The following KCNAB2 variants were observed in gnomAD, a reference collection of about 807,000 sequenced individuals.
KCNAB2 encodes the protein potassium voltage-gated channel subfamily A regulatory beta subunit 2.
In KCNAB2, 29 loss-of-function variants were observed where a neutral mutation model predicts 63.6. The observed-to-expected ratio is 0.46, with a 90% CI of 0.34 to 0.62. The LOEUF (loss-of-function observed/expected upper bound fraction) is 0.62, where lower values mean the gene tolerates loss of function less well. Among genes scored for constraint, KCNAB2 ranks in the 20% least tolerant of loss-of-function variants. The pLI, the probability that KCNAB2 is intolerant of heterozygous loss-of-function variation, is 0.01. For synonymous variants in KCNAB2, 222 were observed against 224.2 expected, an observed-to-expected ratio of 0.99 and a Z score of 0.09; for missense variants, 359 against 563.9, an observed-to-expected ratio of 0.64 and a Z score of 3.68.
chr1:6,065,070 T>C (rs912854429), intron 2 of KCNAB2, among the ~76,000 whole-genome samples: 36 of 152,340 alleles, frequency 2.4e-4, no homozygotes, highest in East Asian at 7.7e-4. Flanking sequence ...TTTCTGGTGA[T>C]GTTGCTTCTC....
At chr1:6,075,765 T>G (rs1663607671) in intron 4 of KCNAB2, among the ~76,000 whole-genome samples, 1 of 152,224 alleles carries the variant, frequency 6.6e-6, no homozygotes, top group African/African-American at 2.4e-5. Context: ...TTTTAACCAT[T>G]TTTAAGTCTA....
Position 6,071,576 on chromosome 1 carries a change from C to T in KCNAB2, c.219-1179C>T, listed in dbSNP as rs990472243. 6.6e-6 allele frequency among the ~76,000 whole-genome samples: 1 copy of T among 152,192 alleles called. No individual in the cohort carries two copies. Among genetic ancestry groups the T allele is most frequent in the Admixed American group, 6.5e-5 (1 of 15,276 alleles). Reference sequence around the variant, plus strand: ...CTGCCTGGGTGGGATCCAGCTCCTCCGCGTGCTGGGCAGGTATCGTAACGT... The same window carrying T: ...CTGCCTGGGTGGGATCCAGCTCCTCTGCGTGCTGGGCAGGTATCGTAACGT... On this transcript the variant is annotated intron_variant, in intron 2 of 15. Coordinates refer to ENST00000378083, the MANE Select transcript of KCNAB2 (RefSeq NM_001199862.2). The surrounding 1 kb of genome is among the most constrained non-coding windows in gnomAD (Gnocchi z 8.5).
At position 6,097,282 on chromosome 1, in the gene KCNAB2, G is replaced by A. The variant is rs1054687881; in HGVS notation, c.1083G>A (p.Arg361=). The A allele has an allele frequency of 3.9e-6, 6 of 1,548,614 alleles. No homozygotes were observed. The highest frequency in any genetic ancestry group is 1.7e-4 in the Middle Eastern group (1 of 5,970). Residue 361 remains arginine (R), a synonymous_variant, in exon 15 of 16, where the codon AGG becomes AGA. Coordinates refer to ENST00000378083, the MANE Select transcript of KCNAB2 (RefSeq NM_001199862.2). ...LPQLAIAWCL[R]NEGVSSVLLG... ...TCGCCGCCACAGCCTGGTGCCTGAG[G>A]AATGAGGGAGTCAGCTCCGTGCTCC...
chr1:6,073,603 C>A lies in KCNAB2; in HGVS notation c.263-130C>A. 1 of 821,624 alleles carries A rather than the reference C, an allele frequency of 1.2e-6. No homozygotes were observed. The highest frequency in any genetic ancestry group is 2.1e-6 in the Non-Finnish European group (1 of 473,352). 50.9% of individuals were successfully genotyped at this position (821,624 alleles called of 1,614,324 possible). A position where few individuals can be genotyped will look rare whatever the true frequency, so the allele number is the denominator to read the frequency against. On this transcript the variant is annotated intron_variant, in intron 3 of 15. Coordinates refer to ENST00000378083, the MANE Select transcript of KCNAB2 (RefSeq NM_001199862.2). This position sits in a 1 kb window ranked among gnomAD's most constrained non-coding sequence, Gnocchi z 5.7. ...GCTGTCCACACACACTAAGGACACC[C>A]TGGCCACAGAGCAGCACAGAGGGAC...
chr1:6,090,364 GC>G (rs749838595), intron 8 of KCNAB2, 24 bp from the exon 9 acceptor site: 105 of 1,563,930 alleles, frequency 6.7e-5, no homozygotes, highest in Admixed American at 1.5e-4. Context: ...CAGCAGTGAC[GC>G]CCCCCCACCT....
chr1:6,044,857 C>G (rs940785583), upstream of KCNAB2, among the ~76,000 whole-genome samples: 1 of 152,130 alleles, frequency 6.6e-6, no homozygotes, highest in Admixed American at 6.5e-5. Context: ...AAGCCACGTC[C>G]ACAGGGCTTG....
chr1:6,003,405 G>A lies in KCNAB2; in HGVS notation c.-53+10617G>A, dbSNP rs138047276. On this transcript the variant is annotated intron_variant, in intron 1 of 16. Coordinates refer to the KCNAB2 transcript ENST00000341524. This position sits in a 1 kb window ranked among gnomAD's most constrained non-coding sequence, Gnocchi z 4.1. ...GGGGTTCCTCCCCACTCGCTCGCTC[G>A]GCTGCCTTCAGCCCCTGCAGACACG... Among the ~76,000 whole-genome samples, 404 of 152,258 alleles carry A rather than the reference G, an allele frequency of 2.7e-3. 3 individuals are homozygous for A. Among genetic ancestry groups the A allele is most frequent in the Middle Eastern group, 0.017 (5 of 294 alleles).
chr1:6,011,711 G>A (rs991786047), intron 1 of KCNAB2, among the ~76,000 whole-genome samples: 8 of 152,238 alleles, frequency 5.3e-5, no homozygotes, highest in Non-Finnish European at 1.2e-4. Flanking sequence ...CATGGTCCAG[G>A]CAGGAGCTTC....
intron 13 of KCNAB2, among the ~76,000 whole-genome samples, chr1:6,095,861 A>C: frequency 4.1e-5 from 3 of 72,702 alleles, no homozygotes; most frequent in Admixed American, 1.3e-4. Context: ...AGGCCCTTTC[A>C]CATCCCCCCC....
intron 2 of KCNAB2, among the ~76,000 whole-genome samples, chr1:6,066,417 G>C (rs961765583): frequency 6.6e-6 from 1 of 152,242 alleles, no homozygotes; most frequent in Non-Finnish European, 1.5e-5. Context: ...GGCCGGGAGG[G>C]GCTGTGCTTA....
chr1:6,015,039 T>TG (rs1210773224), intron 1 of KCNAB2, among the ~76,000 whole-genome samples: 15 of 144,138 alleles, frequency 1.0e-4, no homozygotes, highest in Non-Finnish European at 1.7e-4. Context: ...TTTTTTTTTT[T>TG]TTTGTTTTTT....
intron 1 of KCNAB2, among the ~76,000 whole-genome samples, chr1:6,007,278 G>A (rs1350201782): frequency 6.6e-6 from 1 of 152,250 alleles, no homozygotes; most frequent in Non-Finnish European, 1.5e-5. Flanking sequence ...CCCAGGGACA[G>A]GGCCAAGTGG....
At position 6,087,355 on chromosome 1, in the gene KCNAB2, T is replaced by C; in HGVS notation, c.426-112T>C. The C allele has an allele frequency of 8.5e-7, 1 of 1,182,448 alleles. No individual in the cohort carries two copies. Among genetic ancestry groups the C allele is most frequent in the Non-Finnish European group, 1.3e-6 (1 of 789,444 alleles). 73.2% of individuals were successfully genotyped at this position (1,182,448 alleles called of 1,614,324 possible). ...GTGCCCATTTCATGCCCCAGGCTCC[T>C]GGGTGGGAGGGCTTTCAGGACCTCT... On this transcript the variant is annotated intron_variant, in intron 6 of 15. Transcript: ENST00000378083. The surrounding 1 kb of genome is among the most constrained non-coding windows in gnomAD (Gnocchi z 6.4).
rs913451982 is a variant in KCNAB2 at position 6,074,144 on chromosome 1, A to G, written c.300+374A>G. On this transcript the variant is annotated intron_variant, in intron 4 of 15. Transcript: ENST00000378083. The surrounding 1 kb of genome is among the most constrained non-coding windows in gnomAD (Gnocchi z 4.9). The stretch of plus-strand genomic sequence containing the variant: ...CCGGATGCAGGTCCTAGCTGCCCCC[A>G]TGGAGGCTCCAGTAACTGTCTGTCT... 4.6e-5 allele frequency among the ~76,000 whole-genome samples: 7 copies of G among 152,322 alleles called. No homozygotes were observed. The highest frequency in any genetic ancestry group is 2.0e-4 in the Admixed American group (3 of 15,294).
intron 1 of KCNAB2, among the ~76,000 whole-genome samples, chr1:6,026,757 C>T (rs567547693): frequency 5.3e-5 from 8 of 152,356 alleles, no homozygotes; most frequent in African/African-American, 1.7e-4. Context: ...CTGCCTTCAT[C>T]CCTGGGATGA....
intron 1 of KCNAB2, among the ~76,000 whole-genome samples, chr1:6,020,992 T>G (rs1382910575): frequency 6.6e-6 from 1 of 152,130 alleles, no homozygotes; most frequent in Non-Finnish European, 1.5e-5. Flanking sequence ...CTAAAATTTT[T>G]ATTTTCATAT....
intron 1 of KCNAB2, chr1:6,026,473 T>C (rs1659189771): frequency 6.6e-6 from 1 of 152,276 alleles, no homozygotes; most frequent in Admixed American, 6.5e-5. Flanking sequence ...GGGATCCCGT[T>C]GTCTAGGATG....
rs1473915560 is a variant in KCNAB2, at chr1:6,095,518, T to G, written c.854-12T>G. 6.2e-7 allele frequency: 1 copy of G among 1,610,032 alleles called. No homozygotes were observed. Among genetic ancestry groups the G allele is most frequent in the East Asian group, 2.2e-5 (1 of 44,638 alleles). On this transcript the variant is annotated splice_polypyrimidine_tract_variant and intron_variant, in intron 12 of 15. Coordinates refer to ENST00000378083, the MANE Select transcript of KCNAB2 (RefSeq NM_001199862.2). ...GGCCCAGGGCTTGACTCCACCTGCT[T>G]TTCCTCTTCAGGAGTGGGCGCCATG...
intron 1 of KCNAB2, among the ~76,000 whole-genome samples, chr1:6,000,071 T>G (rs558870394): frequency 8.1e-4 from 122 of 150,356 alleles, no homozygotes; most frequent in Middle Eastern, 3.4e-3. Context: ...GTCCACACCC[T>G]GCCTGCACTC....
Sources: gnomAD v4.1 joint callset for allele counts (sites outside exome capture counted in the v4.1 genomes callset) on GRCh38, gnomAD v4.1.1 for gene constraint, Gnocchi (gnomAD v3.1) non-coding constraint, MANE v1.5 for transcripts, NCBI Gene and HGNC (gene_info 2026-07-23, HGNC 2026-07-21) for gene names.